Variants in OPCML observed in about 807,000 individuals in gnomAD.
The protein encoded by OPCML is opioid binding protein/cell adhesion molecule like, also known as opioid-binding protein/cell adhesion molecule.
In OPCML, 13 loss-of-function variants were observed where a neutral mutation model predicts 37.8. The ratio of observed to expected loss-of-function variants is 0.34; its 90% CI spans 0.22 to 0.55. The LOEUF (loss-of-function observed/expected upper bound fraction) is 0.55. OPCML is among the 20% of genes least tolerant of loss of function. The pLI is 0.91. For synonymous variants in OPCML, 176 were observed against 168.8 expected, an observed-to-expected ratio of 1.04 and a Z score of -0.33; for missense variants, 341 against 435.6, an observed-to-expected ratio of 0.78 and a Z score of 1.93.
chr11:132,498,540 A>T (rs1033709091), intron 4 of OPCML, among the ~76,000 whole-genome samples: 3 of 152,216 alleles, frequency 2.0e-5, no homozygotes, highest in Non-Finnish European at 1.5e-5. Flanking sequence ...TCTAAAACCA[A>T]TGTCTAAGGA....
intron 3 of OPCML, among the ~76,000 whole-genome samples, chr11:132,571,383 T>C (rs1026082777): frequency 1.3e-5 from 2 of 152,272 alleles, no homozygotes; most frequent in East Asian, 3.9e-4. Flanking sequence ...AAACTCCCTT[T>C]CATATACACA....
intron 4 of OPCML, among the ~76,000 whole-genome samples, chr11:132,438,181 T>G (rs969257005): frequency 1.3e-5 from 2 of 152,238 alleles, no homozygotes; most frequent in Non-Finnish European, 2.9e-5. Flanking sequence ...TGCAACAATC[T>G]GGCCTCTCCG....
intron 1 of OPCML, among the ~76,000 whole-genome samples, chr11:133,287,095 G>A (rs1942319710): frequency 6.6e-6 from 1 of 151,982 alleles, no homozygotes; most frequent in African/African-American, 2.4e-5. Context: ...GCAGACCAGA[G>A]CTTTTCTGCA....
At chr11:132,484,371 C>A (rs1156880222) in intron 4 of OPCML, among the ~76,000 whole-genome samples, 1 of 152,166 alleles carries the variant, frequency 6.6e-6, no homozygotes, top group Non-Finnish European at 1.5e-5. Flanking sequence ...CAATGAGATA[C>A]CATCTCACAC....
chr11:132,512,742 A>AAT (rs1355003755), intron 4 of OPCML, among the ~76,000 whole-genome samples: 1 of 147,286 alleles, frequency 6.8e-6, no homozygotes, highest in Non-Finnish European at 1.5e-5. Flanking sequence ...TATTTTGCTA[A>AAT]ATATATACAT....
At chr11:132,871,575 C>T (rs1443001204) in intron 2 of OPCML, among the ~76,000 whole-genome samples, 1 of 152,192 alleles carries the variant, frequency 6.6e-6, no homozygotes, top group Non-Finnish European at 1.5e-5. Context: ...AACCAATCCC[C>T]ATGGATGCGG....
intron 4 of OPCML, among the ~76,000 whole-genome samples, chr11:132,519,267 T>TG (rs1297715440): frequency 6.6e-6 from 1 of 152,016 alleles, no homozygotes; most frequent in Non-Finnish European, 1.5e-5. Context: ...GGAGGGAAGG[T>TG]GGGGGTCAAT....
At chr11:132,669,059 T>C (rs1418243853) in intron 2 of OPCML, among the ~76,000 whole-genome samples, 2 of 152,114 alleles carry the variant, frequency 1.3e-5, no homozygotes, top group South Asian at 2.1e-4. Flanking sequence ...GTTGGTGAAA[T>C]GCTGTATTTC....
chr11:132,594,758 T>C (rs566207177), intron 3 of OPCML, among the ~76,000 whole-genome samples: 1 of 152,318 alleles, frequency 6.6e-6, no homozygotes, highest in African/African-American at 2.4e-5. Flanking sequence ...TCTAAGCTGG[T>C]CAAATCTGGG....
intron 1 of OPCML, among the ~76,000 whole-genome samples, chr11:133,049,925 A>T (rs1441766912): frequency 6.6e-6 from 1 of 152,204 alleles, no homozygotes; most frequent in Non-Finnish European, 1.5e-5. Flanking sequence ...TCTCTCAGTT[A>T]TTCAGCCAAA....
At chr11:133,423,016 T>C (rs576773127) in intron 1 of OPCML, 2 of 985,400 alleles carry the variant, frequency 2.0e-6, no homozygotes, top group Non-Finnish European at 2.4e-6. Context: ...CCTTCTCCAC[T>C]GTGCCATCCA....
intron 1 of OPCML, among the ~76,000 whole-genome samples, chr11:133,381,102 C>T (rs1391551884): frequency 6.6e-6 from 1 of 152,218 alleles, no homozygotes; most frequent in African/African-American, 2.4e-5. Flanking sequence ...GCCTGACAGG[C>T]TCCGCATGAA....
intron 4 of OPCML, among the ~76,000 whole-genome samples, chr11:132,454,788 T>C (rs2096077368): frequency 6.6e-6 from 1 of 152,190 alleles, no homozygotes; most frequent in South Asian, 2.1e-4. Context: ...CATAAATTGC[T>C]TCATAACTGC....
At chr11:133,008,423 T>A (rs1054419556) in intron 1 of OPCML, 2 of 985,220 alleles carry the variant, frequency 2.0e-6, no homozygotes, top group Non-Finnish European at 2.4e-6. Flanking sequence ...CCTTTTCTGA[T>A]TTTTTTCTTT....
chr11:132,853,171 T>C (rs1184185491), intron 2 of OPCML, among the ~76,000 whole-genome samples: 1 of 152,218 alleles, frequency 6.6e-6, no homozygotes, highest in Non-Finnish European at 1.5e-5. Context: ...CAATTGATAG[T>C]ATTTATTGCC....
intron 4 of OPCML, among the ~76,000 whole-genome samples, chr11:132,494,583 A>G (rs954795465): frequency 2.0e-5 from 3 of 152,132 alleles, no homozygotes; most frequent in Non-Finnish European, 4.4e-5. Context: ...GCAGGCAAAA[A>G]TCTCAACAAT....
intron 1 of OPCML, among the ~76,000 whole-genome samples, chr11:133,082,853 CG>C (rs910034732): frequency 4.7e-5 from 7 of 149,444 alleles, no homozygotes; most frequent in African/African-American, 9.8e-5. Context: ...TGCAGGGTGC[CG>C]GGGGCCCCTC....
At chr11:132,700,236 C>T (rs1943754406) in intron 2 of OPCML, among the ~76,000 whole-genome samples, 1 of 151,510 alleles carries the variant, frequency 6.6e-6, no homozygotes, top group Non-Finnish European at 1.5e-5. Flanking sequence ...CTTGTTTGTC[C>T]TTTTAAAAAA....
At chr11:132,815,429 T>C (rs1230754390) in intron 2 of OPCML, among the ~76,000 whole-genome samples, 1 of 152,158 alleles carries the variant, frequency 6.6e-6, no homozygotes, top group Non-Finnish European at 1.5e-5. Context: ...TAAAGATGTG[T>C]GGAGATGTTT....
Sources: allele counts gnomAD v4.1 joint callset (sites outside exome capture counted in the v4.1 genomes callset), GRCh38; gene constraint gnomAD v4.1.1; transcripts MANE v1.5; gene names NCBI Gene and HGNC (gene_info 2026-07-23, HGNC 2026-07-21).